The following KCNJ5 variants were observed in gnomAD, a reference collection of about 807,000 sequenced individuals.
KCNJ5 encodes potassium inwardly rectifying channel subfamily J member 5, also known as G protein-activated inward rectifier potassium channel 4.
A neutral mutation model predicts 20.2 loss-of-function variants in KCNJ5; 12 were observed. The observed-to-expected ratio is 0.59, with a 90% confidence interval of 0.38 to 0.96. The LOEUF (loss-of-function observed/expected upper bound fraction) is 0.96, where lower values mean the gene tolerates loss of function less well. KCNJ5 is among the 40% of genes least tolerant of loss of function. The pLI is 0.00. For missense variants in KCNJ5, 449 were observed against 557.6 expected (o/e 0.81, Z 1.96); for synonymous variants, 210 against 213.9 (o/e 0.98, Z 0.16).
chr11:128,894,950 C>G (rs1944148792), intron 1 of KCNJ5, among the ~76,000 whole-genome samples: 1 of 152,232 alleles, frequency 6.6e-6, no homozygotes, highest in Non-Finnish European at 1.5e-5. Context: ...AAAATGTTAA[C>G]TTCCATTATC....
chr11:128,896,985 G>A (rs1262055079), intron 1 of KCNJ5, among the ~76,000 whole-genome samples: 2 of 151,308 alleles, frequency 1.3e-5, no homozygotes, highest in Non-Finnish European at 2.9e-5. Flanking sequence ...CAGTTTCTCT[G>A]CATCTTTGCC....
intron 1 of KCNJ5, chr11:128,901,624 G>T (rs368919760): frequency 6.6e-6 from 1 of 152,260 alleles, no homozygotes; most frequent in South Asian, 2.1e-4. Context: ...CCTCAGTCCT[G>T]CATCCTCGTC....
intron 1 of KCNJ5, among the ~76,000 whole-genome samples, chr11:128,908,903 T>C (rs1944463038): frequency 6.6e-6 from 1 of 152,154 alleles, no homozygotes; most frequent in South Asian, 2.1e-4. Flanking sequence ...GCATCTGTGA[T>C]TGAGTTTTCA....
chr11:128,913,502 A>G (rs79932761), intron 2 of KCNJ5, among the ~76,000 whole-genome samples: 9,940 of 151,806 alleles, frequency 0.065, 807 homozygotes, highest in African/African-American at 0.19. Context: ...AGAGGACCCT[A>G]GTCCCCACCC....
At chr11:128,896,245 A>C (rs1471487846) in intron 1 of KCNJ5, among the ~76,000 whole-genome samples, 1 of 152,168 alleles carries the variant, frequency 6.6e-6, no homozygotes, top group African/African-American at 2.4e-5. Flanking sequence ...TTTTGAGATC[A>C]TTATAGATTC....
chr11:128,918,288 G>A lies in KCNJ5; in HGVS notation c.*1557G>A, dbSNP rs1257032531. The A allele has an allele frequency of 6.6e-6, 1 of 152,240 alleles. No individual in the cohort carries two copies. The highest frequency in any genetic ancestry group is 1.5e-5 in the Non-Finnish European group (1 of 68,072). 9.4% of individuals were successfully genotyped at this position (152,240 alleles called of 1,614,324 possible). A position where few individuals can be genotyped will look rare whatever the true frequency, so the allele number is the denominator to read the frequency against. ...GCTGCCCCTCCCAGGCTGGAAACAA[G>A]AGGGCAAGCGGGGTCAGCAGGAGAA... On this transcript the variant is annotated 3_prime_UTR_variant, in exon 3 of 3. Transcript: ENST00000529694.
Position 128,891,441 on chromosome 11 carries a change from C to CACAGAGAGAGAGAGAGAGAGAG in KCNJ5, c.-290_-289insCAGAGAGAGAGAGAGAGAGAGA, listed in dbSNP as rs1160699929. On this transcript the variant is annotated 5_prime_UTR_variant, in exon 1 of 3. Transcript: ENST00000529694. ...ACACACACACACACACACACACACA[C>CACAGAGAGAGAGAGAGAGAGAG]AGAGAGAGAGAGAGAGAGAGAGAGA... 1.8e-5 allele frequency: 1 copy of CACAGAGAGAGAGAGAGAGAGAG among 54,936 alleles called. No homozygotes were observed. Among genetic ancestry groups the CACAGAGAGAGAGAGAGAGAGAG allele is most frequent in the Non-Finnish European group, 3.4e-5 (1 of 29,494 alleles). 3.4% of individuals were successfully genotyped at this position (54,936 alleles called of 1,614,324 possible).
chr11:128,913,138 T>C (rs1944526849), intron 2 of KCNJ5, among the ~76,000 whole-genome samples: 1 of 152,198 alleles, frequency 6.6e-6, no homozygotes. Context: ...CTCAAAAGGT[T>C]CTCACCAACC....
At chr11:128,903,566 T>C (rs769174617) in intron 1 of KCNJ5, 8 of 1,591,442 alleles carry the variant, frequency 5.0e-6, no homozygotes, top group Non-Finnish European at 6.9e-6. Flanking sequence ...CAGTGGCTGC[T>C]AGTTAGTGGT....
At chr11:128,903,525 G>A in intron 1 of KCNJ5, 1 of 1,613,654 alleles carries the variant, frequency 6.2e-7, no homozygotes, top group Non-Finnish European at 8.5e-7. Flanking sequence ...AGATGAAGGA[G>A]AATCCAGTGA....
intron 2 of KCNJ5, among the ~76,000 whole-genome samples, 198 bp from the exon 3 acceptor site, chr11:128,916,211 T>C (rs1944578489): frequency 6.7e-6 from 1 of 149,172 alleles, no homozygotes; most frequent in East Asian, 2.1e-4. Context: ...GATGGATGGA[T>C]GGATGGATGG....
Position 128,918,418 on chromosome 11 carries a change from G to A in KCNJ5, c.*1687G>A, listed in dbSNP as rs1042490104. The A allele has an allele frequency of 6.6e-6, 1 of 152,384 alleles. No homozygotes were observed. The highest frequency in any genetic ancestry group is 1.5e-5 in the Non-Finnish European group (1 of 68,148). 9.4% of individuals were successfully genotyped at this position (152,384 alleles called of 1,614,324 possible). ...TGGAGGCCCAAGAGCAAGGGTGGAG[G>A]GGGGCAGATTGTCAGGTCCCGAAAT... is the stretch of plus-strand genomic sequence containing the variant. On this transcript the variant is annotated 3_prime_UTR_variant, in exon 3 of 3. Coordinates refer to ENST00000529694, the MANE Select transcript of KCNJ5 (RefSeq NM_000890.5).
At chr11:128,896,784 G>C (rs562078873) in intron 1 of KCNJ5, among the ~76,000 whole-genome samples, 1 of 152,298 alleles carries the variant, frequency 6.6e-6, no homozygotes, top group East Asian at 1.9e-4. Flanking sequence ...ATAAGCATTT[G>C]TGTACTGGTT....
In KCNJ5 at chr11:128,904,550, A is replaced by G. The variant is rs1050203013; in HGVS notation, c.-10-6714A>G. 5.0e-6 allele frequency: 6 copies of G among 1,208,352 alleles called. No homozygotes were observed. The East Asian group carries it at 1.4e-4, about 28-fold the overall frequency. 74.9% of individuals were successfully genotyped at this position (1,208,352 alleles called of 1,614,324 possible). ...CGTGCTACTCAGGTGTGCACTGAGG[A>G]CCAGCCGCGTCAACATCACTGCGGC... On this transcript the variant is annotated intron_variant, in intron 1 of 2. Coordinates refer to ENST00000529694, the MANE Select transcript of KCNJ5 (RefSeq NM_000890.5).
At chr11:128,912,654 G>A (rs1240101811) in intron 2 of KCNJ5, among the ~76,000 whole-genome samples, 1 of 152,138 alleles carries the variant, frequency 6.6e-6, no homozygotes, top group Non-Finnish European at 1.5e-5. Flanking sequence ...GGGATTACAG[G>A]TGCCCGCCAC....
chr11:128,913,441 C>T (rs1479394580), intron 2 of KCNJ5, among the ~76,000 whole-genome samples: 1 of 152,242 alleles, frequency 6.6e-6, no homozygotes, highest in Non-Finnish European at 1.5e-5. Flanking sequence ...TGGCAGACCT[C>T]TGTGAGGTGG....
intron 1 of KCNJ5, among the ~76,000 whole-genome samples, chr11:128,903,158 G>T (rs1944320763): frequency 6.6e-6 from 1 of 152,084 alleles, no homozygotes; most frequent in South Asian, 2.1e-4. Flanking sequence ...GCAAGTTTTG[G>T]TTGCATTTAT....
chr11:128,912,715 C>T (rs1008842550), intron 2 of KCNJ5, among the ~76,000 whole-genome samples: 3 of 152,098 alleles, frequency 2.0e-5, no homozygotes, highest in Admixed American at 6.5e-5. Flanking sequence ...TTCACCATGT[C>T]GGCCAGGTTG....
chr11:128,910,381 C>T (rs991990045), intron 1 of KCNJ5, among the ~76,000 whole-genome samples: 3 of 152,140 alleles, frequency 2.0e-5, no homozygotes, highest in African/African-American at 7.2e-5. Flanking sequence ...TTTCTAATGG[C>T]GGGCCTACAC....
Sources: gnomAD v4.1 joint callset for allele counts (sites outside exome capture counted in the v4.1 genomes callset) on GRCh38, gnomAD v4.1.1 for gene constraint, MANE v1.5 for transcripts, NCBI Gene and HGNC (gene_info 2026-07-23, HGNC 2026-07-21) for gene names.